GRM8: variants seen among roughly 807,000 people sequenced by gnomAD.
The protein encoded by GRM8 is metabotropic glutamate receptor 8.
Under a neutral mutation model 87.2 loss-of-function variants are expected in GRM8, and 47 were observed. That is an observed-to-expected ratio of 0.54 (90% CI 0.43 to 0.69). The LOEUF is 0.69. Among genes scored for constraint, GRM8 ranks in the 30% least tolerant of loss-of-function variants. GRM8 has a pLI of 0.00. For missense variants in GRM8, 1,019 were observed against 1,139.2 expected, an observed-to-expected ratio of 0.89 and a Z score of 1.52; for synonymous variants, 396 against 404.5, an observed-to-expected ratio of 0.98 and a Z score of 0.25.
At chr7:127,129,678 G>A (rs1474568022) in intron 2 of GRM8, among the ~76,000 whole-genome samples, 2 of 152,062 alleles carry the variant, frequency 1.3e-5, no homozygotes, top group African/African-American at 4.8e-5. Context: ...CAATCCAAAA[G>A]ACTGACCTTG....
intron 2 of GRM8, among the ~76,000 whole-genome samples, chr7:127,195,517 A>G (rs549570176): frequency 4.9e-4 from 74 of 152,290 alleles, no homozygotes; most frequent in African/African-American, 1.8e-3. Context: ...TAGATTCAGC[A>G]ACCCTAATTA....
chr7:126,623,695 A>C (rs1038326269), intron 7 of GRM8, among the ~76,000 whole-genome samples: 8 of 152,220 alleles, frequency 5.3e-5, no homozygotes, highest in African/African-American at 1.9e-4. Flanking sequence ...TGGACCAACC[A>C]AAGACTGACG....
intron 9 of GRM8, among the ~76,000 whole-genome samples, chr7:126,479,174 G>A (rs1806361231): frequency 6.6e-6 from 1 of 152,056 alleles, no homozygotes; most frequent in Admixed American, 6.6e-5. Flanking sequence ...CTAATCTTGT[G>A]TTGGTAAACT....
At position 127,191,942 on chromosome 7, in the gene GRM8, A is replaced by G. The variant is rs532375177; in HGVS notation, c.510+50753T>C. On this transcript the variant is annotated intron_variant, in intron 2 of 10. Transcript: ENST00000339582. ...TAGGGACACCATTTTCCATTTTTCT[A>G]TCTTCCATGCTCTGTTAACTTATGT... is the stretch of plus-strand genomic sequence containing the variant. 2.6e-5 allele frequency among the ~76,000 whole-genome samples: 4 copies of G among 152,252 alleles called. No homozygotes were observed. The East Asian group carries it at 7.7e-4, about 29-fold the overall frequency.
At chr7:127,196,045 A>AC (rs1374779954) in intron 2 of GRM8, among the ~76,000 whole-genome samples, 4 of 152,196 alleles carry the variant, frequency 2.6e-5, no homozygotes, top group Non-Finnish European at 5.9e-5. Flanking sequence ...AAATGACATC[A>AC]CCTACAAGTA....
chr7:127,224,646 T>C (rs1353867984), intron 2 of GRM8, among the ~76,000 whole-genome samples: 1 of 152,234 alleles, frequency 6.6e-6, no homozygotes, highest in African/African-American at 2.4e-5. Flanking sequence ...TCGAGTTTGC[T>C]TTGCTTCTCC....
intron 3 of GRM8, among the ~76,000 whole-genome samples, chr7:126,991,933 A>G (rs1343626056): frequency 3.9e-5 from 6 of 152,242 alleles, no homozygotes; most frequent in Non-Finnish European, 5.9e-5. Flanking sequence ...ATAAAAGTCA[A>G]TAGCATGACA....
chr7:126,864,497 C>G (rs1469428823), intron 6 of GRM8, among the ~76,000 whole-genome samples: 1 of 152,122 alleles, frequency 6.6e-6, no homozygotes, highest in African/African-American at 2.4e-5. Flanking sequence ...TTTGTCCAAT[C>G]TATTGATAAT....
chr7:127,114,924 T>C (rs1826609406), intron 2 of GRM8, among the ~76,000 whole-genome samples: 1 of 152,006 alleles, frequency 6.6e-6, no homozygotes, highest in African/African-American at 2.4e-5. Context: ...AGGAGCAGCA[T>C]ATAGAGAAGG....
rs545349168 is a variant in GRM8 at position 126,819,693 on chromosome 7, G to A, written c.1157-49628C>T. Among the ~76,000 whole-genome samples, 15 of 151,844 alleles carry A rather than the reference G, an allele frequency of 9.9e-5. No individual in the cohort carries two copies. The South Asian group carries it at 1.0e-3, about 11-fold the overall frequency. ...TAAAATATGAGTAAGACCTTAGCTCGTTCAATACAACAAAATACATTCTAG... is the reference window on the plus strand; with the variant it reads ...TAAAATATGAGTAAGACCTTAGCTCATTCAATACAACAAAATACATTCTAG... On this transcript the variant is annotated intron_variant, in intron 6 of 10. Transcript: ENST00000339582.
intron 6 of GRM8, among the ~76,000 whole-genome samples, chr7:126,891,490 A>G (rs1427208705): frequency 6.6e-6 from 1 of 152,010 alleles, no homozygotes; most frequent in Non-Finnish European, 1.5e-5. Flanking sequence ...AGGCATATAA[A>G]GTGTTATATG....
chr7:126,589,437 C>A (rs1796469410), intron 8 of GRM8, among the ~76,000 whole-genome samples: 2 of 152,100 alleles, frequency 1.3e-5, no homozygotes, highest in Admixed American at 6.5e-5. Context: ...GACCCGGGAA[C>A]CACAAACCCA....
intron 7 of GRM8, among the ~76,000 whole-genome samples, chr7:126,729,152 TC>T (rs1286974107): frequency 6.6e-6 from 1 of 152,176 alleles, no homozygotes; most frequent in African/African-American, 2.4e-5. Flanking sequence ...CTATTCACCC[TC>T]CCTTTGCTTC....
intron 2 of GRM8, among the ~76,000 whole-genome samples, chr7:127,183,799 A>G (rs1038461171): frequency 4.6e-5 from 7 of 151,904 alleles, no homozygotes; most frequent in African/African-American, 1.7e-4. Context: ...GCTAACCAAG[A>G]AAAAGAGAAG....
intron 2 of GRM8, among the ~76,000 whole-genome samples, chr7:127,173,781 T>C (rs1369079808): frequency 1.3e-5 from 2 of 152,186 alleles, no homozygotes; most frequent in African/African-American, 2.4e-5. Flanking sequence ...TTCCCTGCCT[T>C]CTTGCCTTGC....
At chr7:126,463,931 T>C (rs1009223753) in intron 9 of GRM8, among the ~76,000 whole-genome samples, 4 of 151,724 alleles carry the variant, frequency 2.6e-5, no homozygotes, top group African/African-American at 7.2e-5. Flanking sequence ...TGTTTATATA[T>C]ATACATTTTT....
chr7:126,550,802 A>G (rs1792504538), intron 8 of GRM8, among the ~76,000 whole-genome samples: 1 of 151,890 alleles, frequency 6.6e-6, no homozygotes, highest in South Asian at 2.1e-4. Context: ...AGTAGAGGGA[A>G]TAATTAATAA....
chr7:126,888,138 A>G (rs1449167316), intron 6 of GRM8, among the ~76,000 whole-genome samples: 1 of 152,094 alleles, frequency 6.6e-6, no homozygotes, highest in African/African-American at 2.4e-5. Context: ...CTGTTTCATA[A>G]AAGTGGCTCT....
At chr7:126,481,892 T>A (rs1806728405) in intron 9 of GRM8, among the ~76,000 whole-genome samples, 2 of 152,078 alleles carry the variant, frequency 1.3e-5, no homozygotes, top group African/African-American at 4.8e-5. Context: ...AAGGAGAGCT[T>A]TCTGTGTCAC....
Sources: gnomAD v4.1 joint callset for allele counts (sites outside exome capture counted in the v4.1 genomes callset) on GRCh38, gnomAD v4.1.1 for gene constraint, MANE v1.5 for transcripts, NCBI Gene and HGNC (gene_info 2026-07-23, HGNC 2026-07-21) for gene names.